Variants in AFF3 observed in about 807,000 individuals in gnomAD.
The protein encoded by AFF3 is AF4/FMR2 family member 3.
Under a neutral mutation model 129.7 loss-of-function variants are expected in AFF3, and 32 were observed. The observed-to-expected ratio is 0.25, with a 90% CI of 0.19 to 0.33. The LOEUF (loss-of-function observed/expected upper bound fraction) is 0.33, where lower values mean the gene tolerates loss of function less well. Ranked by LOEUF, AFF3 falls within the 10% of genes least tolerant of loss-of-function variation. The probability of loss-of-function intolerance (pLI) is 1.00; values close to 1 mark genes in which losing one functional copy is unlikely to be tolerated. For missense variants in AFF3, 1,373 were observed against 1,592.0 expected (o/e 0.86, Z 2.34); for synonymous variants, 644 against 635.4 (o/e 1.01, Z -0.20).
rs1689541175 is a variant in AFF3, at chr2:99,844,225, T to TA, written c.874-6702dup. On this transcript the variant is annotated intron_variant, in intron 7 of 24. Transcript: ENST00000672756. Reference sequence around the variant, plus strand: ...AGCAAACCACAAACTACATTAATTTTAAAAAAATTATTGAGGCAAAATTCA... The same window carrying TA: ...AGCAAACCACAAACTACATTAATTTTAAAAAAAATTATTGAGGCAAAATTCA... Among the ~76,000 whole-genome samples the TA allele has an allele frequency of 3.3e-5, 5 of 152,078 alleles. No homozygotes were observed. In the South Asian group the frequency reaches 6.2e-4, roughly 19 times the overall value.
intron 4 of AFF3, among the ~76,000 whole-genome samples, chr2:100,045,720 A>G (rs1685780418): frequency 6.6e-6 from 1 of 152,198 alleles, no homozygotes; most frequent in Admixed American, 6.5e-5. Flanking sequence ...AGGAAGATGG[A>G]AAGAATGAAG....
rs527238573 is a variant in AFF3 at position 99,766,903 on chromosome 2, G to A, written c.922-14602C>T. 1.5e-3 allele frequency among the ~76,000 whole-genome samples: 230 copies of A among 152,342 alleles called. 1 individual carries two copies. Among genetic ancestry groups the A allele is most frequent in the African/African-American group, 5.4e-3 (223 of 41,576 alleles). On this transcript the variant is annotated intron_variant, in intron 8 of 24. Coordinates refer to ENST00000672756, the MANE Select transcript of AFF3 (RefSeq NM_001386135.1). ...AGGGAGCCAACATGATCTCACAAGA[G>A]TCTCTATGAGAAGGTGAGAAGGAAG...
rs367818828 is a variant in AFF3, at chr2:99,780,483, G to A, written c.922-28182C>T. Among the ~76,000 whole-genome samples, 80 of 152,188 alleles carry A rather than the reference G, an allele frequency of 5.3e-4. No homozygotes were observed. In the South Asian group the frequency reaches 0.013, roughly 25 times the overall value. On this transcript the variant is annotated intron_variant, in intron 8 of 24. Coordinates refer to ENST00000672756, the MANE Select transcript of AFF3 (RefSeq NM_001386135.1). ...ACTTCCCTTTTCCAGATATACTTAT[G>A]TTCTGGATGATCTCATCCTGGCCAC...
chr2:99,567,513 G>C (rs1394620256), intron 19 of AFF3, among the ~76,000 whole-genome samples: 1 of 152,170 alleles, frequency 6.6e-6, no homozygotes. Context: ...AAATGAGATG[G>C]AGGAAAGTGA....
At chr2:99,741,985 T>C (rs943161327) in intron 10 of AFF3, among the ~76,000 whole-genome samples, 4 of 152,186 alleles carry the variant, frequency 2.6e-5, no homozygotes, top group Admixed American at 1.3e-4. Flanking sequence ...GTGCTGTAAA[T>C]TGCAGAGAAT....
rs368821977 is a variant in AFF3 at position 99,798,285 on chromosome 2, A to G, written c.921+39192T>C. On this transcript the variant is annotated intron_variant, in intron 8 of 24. Coordinates refer to ENST00000672756, the MANE Select transcript of AFF3 (RefSeq NM_001386135.1). Reference sequence around the variant, plus strand: ...ATAAGACAACAAATGAGATTAAATGAAAACAAAAAAATAACTCAATGCAAA... The same window carrying G: ...ATAAGACAACAAATGAGATTAAATGGAAACAAAAAAATAACTCAATGCAAA... Among the ~76,000 whole-genome samples the G allele has an allele frequency of 2.5e-4, 38 of 152,124 alleles. No individual in the cohort carries two copies. The East Asian group carries it at 6.4e-3, about 26-fold the overall frequency.
At chr2:100,010,920 G>A (rs1397402384) in intron 4 of AFF3, among the ~76,000 whole-genome samples, 2 of 152,160 alleles carry the variant, frequency 1.3e-5, no homozygotes, top group African/African-American at 4.8e-5. Flanking sequence ...TAATCAACAG[G>A]AGAATTCTAG....
chr2:100,078,375 T>C (rs1295391320), intron 4 of AFF3, among the ~76,000 whole-genome samples: 1 of 152,206 alleles, frequency 6.6e-6, no homozygotes, highest in Non-Finnish European at 1.5e-5. Flanking sequence ...GGGCTTGTTT[T>C]TATTTATTTA....
intron 1 of AFF3, among the ~76,000 whole-genome samples, chr2:100,139,118 C>T (rs1692757178): frequency 6.6e-6 from 1 of 152,082 alleles, no homozygotes; most frequent in Admixed American, 6.6e-5. Flanking sequence ...ACTTATACAA[C>T]CACCACTCAA....
Position 100,006,690 on chromosome 2 carries a change from G to A in AFF3, c.815C>T (p.Pro272Leu), listed in dbSNP as rs775874918. The part of the protein sequence containing the change: ...TSYRGVPASK[P>L]EPARAKAKLS... ...CTTGGCCTTGGCTCTGGCAGGCTCC[G>A]GCTTGCTGGCAGGGACTCCCCTGTA... The change falls in exon 7 of 25, where the codon CCG (proline) becomes CTG (leucine). Residue 272 changes from proline to leucine, a missense_variant. Transcript: ENST00000672756. The A allele has an allele frequency of 1.9e-5, 30 of 1,613,658 alleles. No homozygotes were observed. The highest frequency in any genetic ancestry group is 1.6e-4 in the East Asian group (7 of 44,886).
At chr2:99,944,986 G>A (rs1558997524) in intron 7 of AFF3, among the ~76,000 whole-genome samples, 1 of 152,178 alleles carries the variant, frequency 6.6e-6, no homozygotes, top group African/African-American at 2.4e-5. Context: ...AACCATTTAA[G>A]TACTCCCCAC....
At chr2:99,977,012 G>C (rs918942361) in intron 7 of AFF3, among the ~76,000 whole-genome samples, 1 of 152,174 alleles carries the variant, frequency 6.6e-6, no homozygotes, top group African/African-American at 2.4e-5. Context: ...ACCATAGAAA[G>C]AATCTGAGCT....
At position 99,690,371 on chromosome 2, in the gene AFF3, T is replaced by C. The variant is rs549258953; in HGVS notation, c.1092-17782A>G. The stretch of plus-strand genomic sequence containing the variant: ...AATTTTTTTGTATTTTTAGTAGAGA[T>C]GGGGTTTCACCGTGTTAGCCAGGAT... On this transcript the variant is annotated intron_variant, in intron 11 of 24. Transcript: ENST00000672756. 5.6e-3 allele frequency among the ~76,000 whole-genome samples: 849 copies of C among 151,354 alleles called. 5 individuals are homozygous for C. The highest frequency in any genetic ancestry group is 0.019 in the African/African-American group (776 of 41,296).
intron 7 of AFF3, among the ~76,000 whole-genome samples, chr2:99,941,481 C>A (rs552809285): frequency 6.6e-6 from 1 of 152,346 alleles, no homozygotes; most frequent in East Asian, 1.9e-4. Flanking sequence ...CAGAGTCTGA[C>A]AGCTGCATAT....
intron 4 of AFF3, among the ~76,000 whole-genome samples, chr2:100,077,851 T>C (rs930493150): frequency 6.6e-6 from 1 of 152,120 alleles, no homozygotes; most frequent in Admixed American, 6.5e-5. Flanking sequence ...AAGCCTCTAA[T>C]TTTATCCAAG....
At chr2:100,065,580 AAAT>A (rs1687658132) in intron 4 of AFF3, among the ~76,000 whole-genome samples, 1 of 152,200 alleles carries the variant, frequency 6.6e-6, no homozygotes, top group Admixed American at 6.5e-5. Flanking sequence ...CTATTAAACT[AAAT>A]AATATTTTCC....
intron 4 of AFF3, among the ~76,000 whole-genome samples, chr2:100,037,501 TA>T (rs1351546636): frequency 3.4e-5 from 2 of 58,978 alleles, no homozygotes; most frequent in Non-Finnish European, 5.9e-5. Context: ...TATATATAAA[TA>T]TATATTTATA....
chr2:100,074,185 A>G (rs959155680), intron 4 of AFF3, among the ~76,000 whole-genome samples: 2 of 152,146 alleles, frequency 1.3e-5, no homozygotes, highest in East Asian at 3.9e-4. Context: ...ACGGAGCTCA[A>G]TGACTTTGCT....
rs928234147 is a variant in AFF3, at chr2:100,047,181, G to A, written c.54-38249C>T. On this transcript the variant is annotated intron_variant, in intron 4 of 24. Transcript: ENST00000672756. Reference sequence around the variant, plus strand: ...GGCTCGGATCTAGGGCCTCTCCACCGTCGCTGAAGGCGCTCTTGAGCAGTG... The same window carrying A: ...GGCTCGGATCTAGGGCCTCTCCACCATCGCTGAAGGCGCTCTTGAGCAGTG... 3.3e-5 allele frequency among the ~76,000 whole-genome samples: 5 copies of A among 152,216 alleles called. No homozygotes were observed. The East Asian group carries it at 5.8e-4, about 18-fold the overall frequency.
Sources: allele counts gnomAD v4.1 joint callset (sites outside exome capture counted in the v4.1 genomes callset), GRCh38; gene constraint gnomAD v4.1.1; transcripts MANE v1.5; gene names NCBI Gene and HGNC (gene_info 2026-07-23, HGNC 2026-07-21).